OPA1: variants seen among roughly 807,000 people sequenced by gnomAD.
OPA1 encodes the protein dynamin-like GTPase OPA1, mitochondrial.
Under a neutral mutation model 152.9 loss-of-function variants are expected in OPA1, and 59 were observed. That is an observed-to-expected ratio of 0.39 (90% CI 0.31 to 0.48). The LOEUF (loss-of-function observed/expected upper bound fraction) is 0.48, where lower values mean the gene tolerates loss of function less well. Ranked by LOEUF, OPA1 falls within the 20% of genes least tolerant of loss-of-function variation. The pLI is 0.96. For synonymous variants in OPA1, 400 were observed against 389.9 expected, an observed-to-expected ratio of 1.03 and a Z score of -0.31; for missense variants, 1,008 against 1,216.8, an observed-to-expected ratio of 0.83 and a Z score of 2.55.
chr3:193,655,236 G>A (rs1426235651), intron 22 of OPA1, among the ~76,000 whole-genome samples: 1 of 152,146 alleles, frequency 6.6e-6, no homozygotes, highest in Non-Finnish European at 1.5e-5. Flanking sequence ...TTGGTATGAT[G>A]TTGGCCTGAG....
chr3:193,618,852 G>T lies in OPA1; in HGVS notation c.611-17G>T. On this transcript the variant is annotated splice_polypyrimidine_tract_variant and intron_variant, in intron 5 of 30. Coordinates refer to ENST00000361510, the MANE Select transcript of OPA1 (RefSeq NM_130837.3). ...ACATCACTGGAGAATGTAAAGGGTT[G>T]CATATTTATCTTTAAGGTTCTCCGG... The T allele has an allele frequency of 1.2e-6, 2 of 1,602,846 alleles. No individual in the cohort carries two copies. The highest frequency in any genetic ancestry group is 1.7e-6 in the Non-Finnish European group (2 of 1,169,862).
At chr3:193,596,306 T>TTTTCTTTTCC (rs1335150236) in intron 1 of OPA1, among the ~76,000 whole-genome samples, 3 of 105,410 alleles carry the variant, frequency 2.8e-5, no homozygotes, top group African/African-American at 7.8e-5. Context: ...TTTTCTTTTC[T>TTTTCTTTTCC]TTTCCTTTCC....
intron 1 of OPA1, among the ~76,000 whole-genome samples, chr3:193,594,543 A>G (rs1725199620): frequency 1.3e-5 from 2 of 152,288 alleles, no homozygotes; most frequent in South Asian, 4.1e-4. Context: ...ACGCGCCAGC[A>G]CGCCTAGCTA....
At position 193,644,121 on chromosome 3, in the gene OPA1, T is replaced by C; in HGVS notation, c.1608+16T>C. 1 of 1,613,226 alleles carries C rather than the reference T, an allele frequency of 6.2e-7. No homozygotes were observed. The highest frequency in any genetic ancestry group is 8.5e-7 in the Non-Finnish European group (1 of 1,179,424). ...TCCAAGCAGGGTGAGGTCAAATTCTTTGTTGCGAGAATAGATTCTTTGTAA... is the reference window on the plus strand; with the variant it reads ...TCCAAGCAGGGTGAGGTCAAATTCTCTGTTGCGAGAATAGATTCTTTGTAA... On this transcript the variant is annotated intron_variant, in intron 16 of 30. Transcript: ENST00000361510.
chr3:193,655,589 C>T (rs1435014761), intron 22 of OPA1, among the ~76,000 whole-genome samples: 1 of 152,144 alleles, frequency 6.6e-6, no homozygotes, highest in Non-Finnish European at 1.5e-5. Context: ...TGCCTAGTTG[C>T]TTAACTTTCC....
At chr3:193,662,146 ATTAAT>A (rs1434780411) in intron 25 of OPA1, among the ~76,000 whole-genome samples, 9 of 152,266 alleles carry the variant, frequency 5.9e-5, no homozygotes, top group African/African-American at 1.2e-4. Flanking sequence ...AAATGACAAG[ATTAAT>A]TTAACACAGT....
intron 3 of OPA1, 140 bp from the exon 4 acceptor site, chr3:193,617,038 T>A: frequency 1.7e-6 from 1 of 603,890 alleles, no homozygotes; most frequent in Non-Finnish European, 3.0e-6. Flanking sequence ...TAGTTTCTCA[T>A]CTGTAAATGG....
intron 8 of OPA1, 64 bp downstream of exon 8, chr3:193,631,729 G>A: frequency 7.2e-7 from 1 of 1,381,436 alleles, no homozygotes; most frequent in South Asian, 1.2e-5. Context: ...TAACTTTGGT[G>A]ATATGGACAT....
At chr3:193,596,325 C>T (rs1327129368) in intron 1 of OPA1, among the ~76,000 whole-genome samples, 15 of 121,676 alleles carry the variant, frequency 1.2e-4, no homozygotes, top group African/African-American at 4.4e-4. Context: ...CCTTTCCTTT[C>T]CTTTCCTTTC....
rs1714609748 is a variant in OPA1, at chr3:193,659,091, A to G, written c.2440+96A>G. ...TTTGTAGAAATAGATTGAACATTTC[A>G]AAGTCTTTGTCATTAATACTATAGT... On this transcript the variant is annotated intron_variant, in intron 24 of 30. Transcript: ENST00000361510. The G allele has an allele frequency of 4.5e-6, 4 of 893,840 alleles. No individual in the cohort carries two copies. In the Admixed American group the frequency reaches 7.6e-5, roughly 17 times the overall value. 55.4% of individuals were successfully genotyped at this position (893,840 alleles called of 1,614,324 possible).
chr3:193,632,258 G>T (rs1026137021), intron 8 of OPA1, among the ~76,000 whole-genome samples: 1 of 152,174 alleles, frequency 6.6e-6, no homozygotes, highest in Non-Finnish European at 1.5e-5. Flanking sequence ...GAAGTGGGCG[G>T]ATCACAAGGT....
intron 11 of OPA1, 61 bp from the exon 12 acceptor site, chr3:193,642,704 C>T (rs1733968875): frequency 1.6e-6 from 2 of 1,221,646 alleles, no homozygotes; most frequent in Non-Finnish European, 2.4e-6. Flanking sequence ...CACATACGGG[C>T]TGTGGGAATT....
rs1716792468 is a variant in OPA1 at position 193,667,292 on chromosome 3, T to C, written c.2983+12T>C. On this transcript the variant is annotated intron_variant, in intron 29 of 30. Coordinates refer to ENST00000361510, the MANE Select transcript of OPA1 (RefSeq NM_130837.3). ...GGCGGAAGACCTCAGTGAGTAGTTC[T>C]TACTGCCCTCTACCTTACTACCTTT... 8.6e-7 allele frequency: 1 copy of C among 1,163,536 alleles called. No homozygotes were observed. The highest frequency in any genetic ancestry group is 1.3e-6 in the Non-Finnish European group (1 of 768,070). 72.1% of individuals were successfully genotyped at this position (1,163,536 alleles called of 1,614,324 possible). A position where few individuals can be genotyped will look rare whatever the true frequency, so the allele number is the denominator to read the frequency against.
chr3:193,628,467 G>A (rs1176724722), intron 7 of OPA1: 2 of 152,148 alleles, frequency 1.3e-5, no homozygotes, highest in Non-Finnish European at 2.9e-5. Context: ...TTAAATTAGG[G>A]CTTGGTTTTG....
In OPA1 at chr3:193,692,096, C is replaced by G. The variant is rs577055148; in HGVS notation, c.3017C>G (p.Ala1006Gly). 20 of 1,552,158 alleles carry G rather than the reference C, an allele frequency of 1.3e-5. No homozygotes were observed. The highest frequency in any genetic ancestry group is 1.7e-4 in the Middle Eastern group (1 of 5,742). ...KVREIQEKLD[A>G]FIEALHQEK Reference sequence around the variant, plus strand: ...AGAGAAATTCAAGAAAAACTTGATGCTTTCATTGAAGCTCTTCATCAGGAG... The same window carrying G: ...AGAGAAATTCAAGAAAAACTTGATGGTTTCATTGAAGCTCTTCATCAGGAG... The change falls in exon 30 of 31, where the codon GCT becomes GGT. Residue 1006 changes from alanine (A) to glycine (G), a missense_variant. Coordinates refer to ENST00000361510, the MANE Select transcript of OPA1 (RefSeq NM_130837.3).
At chr3:193,612,237 G>A (rs1728359276) in intron 1 of OPA1, among the ~76,000 whole-genome samples, 1 of 148,960 alleles carries the variant, frequency 6.7e-6, no homozygotes, top group Non-Finnish European at 1.5e-5. Context: ...CTGATATAAG[G>A]TCTCACTTTG....
chr3:193,677,833 A>G (rs550512433), intron 29 of OPA1, among the ~76,000 whole-genome samples: 21 of 152,306 alleles, frequency 1.4e-4, no homozygotes, highest in Admixed American at 5.9e-4. Context: ...AAAGTAACAG[A>G]TATTTTCCCA....
chr3:193,640,651 A>G (rs1733646429), intron 11 of OPA1, among the ~76,000 whole-genome samples: 1 of 152,222 alleles, frequency 6.6e-6, no homozygotes, highest in Non-Finnish European at 1.5e-5. Context: ...ATCAGTGGAG[A>G]AAGTCAAGTG....
chr3:193,676,053 A>G (rs759392234), intron 29 of OPA1, among the ~76,000 whole-genome samples: 4 of 152,118 alleles, frequency 2.6e-5, no homozygotes, highest in African/African-American at 4.8e-5. Flanking sequence ...GCTTTCATCT[A>G]TATCAAAACC....
Sources: gnomAD v4.1 joint callset for allele counts (sites outside exome capture counted in the v4.1 genomes callset) on GRCh38, gnomAD v4.1.1 for gene constraint, MANE v1.5 for transcripts, NCBI Gene and HGNC (gene_info 2026-07-23, HGNC 2026-07-21) for gene names.